The following DSE variants were observed in gnomAD, a reference collection of about 807,000 sequenced individuals.
The protein encoded by DSE is dermatan sulfate epimerase, also known as dermatan-sulfate epimerase.
DSE carries 36 observed loss-of-function variants against 84.4 expected under a neutral mutation model. The observed-to-expected ratio is 0.43, with a 90% CI of 0.33 to 0.56. The LOEUF (loss-of-function observed/expected upper bound fraction) is 0.56, where lower values mean the gene tolerates loss of function less well. Among genes scored for constraint, DSE ranks in the 20% least tolerant of loss-of-function variants. The pLI is 0.06. For missense variants in DSE, 862 were observed against 1,169.6 expected, an observed-to-expected ratio of 0.74 and a Z score of 3.84; for synonymous variants, 410 against 430.1, an observed-to-expected ratio of 0.95 and a Z score of 0.58.
chr6:116,398,926 A>T (rs945927974), intron 1 of DSE, among the ~76,000 whole-genome samples: 1 of 152,252 alleles, frequency 6.6e-6, no homozygotes, highest in Non-Finnish European at 1.5e-5. Flanking sequence ...TACCAAGAAT[A>T]ATTTTTTCCT....
intron 1 of DSE, among the ~76,000 whole-genome samples, chr6:116,257,527 A>G (rs1219142537): frequency 6.6e-6 from 1 of 152,162 alleles, no homozygotes; most frequent in East Asian, 1.9e-4. Context: ...ACAAAATACC[A>G]TAGAGTGGGT....
At chr6:116,298,142 A>G (rs1774781313) in intron 2 of DSE, among the ~76,000 whole-genome samples, 1 of 152,196 alleles carries the variant, frequency 6.6e-6, no homozygotes, top group Non-Finnish European at 1.5e-5. Flanking sequence ...TGTAGAGTTA[A>G]TGCCAGTACC....
At chr6:116,426,063 T>A (rs1783430634) in intron 2 of DSE, among the ~76,000 whole-genome samples, 1 of 152,238 alleles carries the variant, frequency 6.6e-6, no homozygotes. Context: ...CAAGTGGGTC[T>A]GTGCAGATTG....
In DSE at chr6:116,436,976, T is replaced by G. The variant is rs147927564; in HGVS notation, c.2508T>G (p.Ile836Met). ...FAQIEVNEKK[I>M]RQKAQILAQK... ...AGATTGAAGTCAATGAGAAAAAGAT[T>G]AGACAGAAAGCTCAGATTTTGGCAC... Residue 836 changes from isoleucine (I) to methionine (M), a missense_variant, in exon 6 of 6, where the codon ATT becomes ATG. Physicochemically the swap from Ile to Met is conservative, Grantham distance 10. This residue lies in a region of DSE where 315 missense variants were observed against 348.1 expected (regional missense o/e 0.90). Coordinates refer to ENST00000644252, the MANE Select transcript of DSE (RefSeq NM_013352.4). 7.4e-6 allele frequency: 12 copies of G among 1,613,850 alleles called. No individual in the cohort carries two copies. In the African/African-American group the frequency reaches 1.1e-4, roughly 14 times the overall value.
At chr6:116,289,449 G>A (rs1481992267) in intron 2 of DSE, among the ~76,000 whole-genome samples, 2 of 151,856 alleles carry the variant, frequency 1.3e-5, no homozygotes, top group Non-Finnish European at 2.9e-5. Flanking sequence ...AAATATTTCT[G>A]TGTATTTTTT....
chr6:116,380,501 A>G (rs371887027), intron 1 of DSE, among the ~76,000 whole-genome samples: 10 of 152,124 alleles, frequency 6.6e-5, no homozygotes, highest in Non-Finnish European at 5.9e-5. Context: ...AGGAGAAAGC[A>G]CTACAAGCAG....
chr6:116,396,745 T>C (rs987844945), intron 1 of DSE, among the ~76,000 whole-genome samples: 16 of 152,108 alleles, frequency 1.1e-4, no homozygotes, highest in Non-Finnish European at 2.1e-4. Flanking sequence ...AGGGGTCACA[T>C]TGTGAGTTTT....
At chr6:116,279,716 G>C in intron 2 of DSE, 1 of 1,611,372 alleles carries the variant, frequency 6.2e-7, no homozygotes, top group East Asian at 2.2e-5. Flanking sequence ...GCCTCGCTTT[G>C]GTCGCGGAGC....
chr6:116,393,465 A>T (rs758767226), intron 1 of DSE, among the ~76,000 whole-genome samples: 1 of 152,246 alleles, frequency 6.6e-6, no homozygotes, highest in Non-Finnish European at 1.5e-5. Flanking sequence ...AAAATATTTT[A>T]TCAATAGGTT....
chr6:116,391,889 T>G (rs1277942406), intron 1 of DSE, among the ~76,000 whole-genome samples: 3 of 152,174 alleles, frequency 2.0e-5, no homozygotes, highest in Admixed American at 6.5e-5. Flanking sequence ...AGCCATAGGT[T>G]TTCTTAGGAT....
rs773212826 is a variant in DSE, at chr6:116,436,209, G to A, written c.1741G>A (p.Glu581Lys). 1.2e-6 allele frequency: 2 copies of A among 1,613,896 alleles called. No homozygotes were observed. The highest frequency in any genetic ancestry group is 1.7e-5 in the Admixed American group (1 of 59,986). ...QIHLGEESPL[E>K]TAASFFHNVD... ...ACACCTGGGAGAGGAGAGTCCCTTG[G>A]AGACAGCAGCGAGCTTCTTCCATAA... is the stretch of plus-strand genomic sequence containing the variant. Residue 581 changes from glutamate to lysine, a missense_variant, in exon 6 of 6, where the codon GAG becomes AAG. Glu to Lys is a moderately conservative substitution (Grantham distance 56, BLOSUM62 1). Coordinates refer to ENST00000644252, the MANE Select transcript of DSE (RefSeq NM_013352.4).
chr6:116,356,590 G>A (rs1022275150), intron 2 of DSE, among the ~76,000 whole-genome samples: 3 of 152,124 alleles, frequency 2.0e-5, no homozygotes, highest in African/African-American at 7.2e-5. Flanking sequence ...CAGGAACTTT[G>A]AGTCATAAAA....
At chr6:116,296,654 T>G (rs990737670) in intron 2 of DSE, among the ~76,000 whole-genome samples, 1 of 152,152 alleles carries the variant, frequency 6.6e-6, no homozygotes, top group Non-Finnish European at 1.5e-5. Flanking sequence ...GCAAAGACCC[T>G]GAGACAGGTT....
intron 5 of DSE, among the ~76,000 whole-genome samples, chr6:116,435,172 A>G (rs1784069090): frequency 6.6e-6 from 1 of 152,230 alleles, no homozygotes; most frequent in Non-Finnish European, 1.5e-5. Flanking sequence ...CTGCAGAACT[A>G]TACTTTATTA....
rs563091251 is a variant in DSE at position 116,348,886 on chromosome 6, A to C, written c.-53-50312A>C. 1.5e-3 allele frequency among the ~76,000 whole-genome samples: 229 copies of C among 152,172 alleles called. 1 individual carries two copies. The highest frequency in any genetic ancestry group is 2.1e-3 in the Non-Finnish European group (145 of 67,996). ...AAACTATCTCAAGGACAGAAAACCA[A>C]ACACCACATGTTCTCACTCATAGGT... On this transcript the variant is annotated intron_variant, in intron 2 of 3. Transcript: ENST00000430252.
In DSE at chr6:116,435,815, G is replaced by T. The variant is rs559112743; in HGVS notation, c.1347G>T (p.Gly449=). The change falls in exon 6 of 6, where the codon GGG becomes GGT. Residue 449 remains glycine, a synonymous_variant. Transcript: ENST00000644252. ...AAGGATGGAGAAATTTTAATGCAGGGCATGAACATCCTGATCAAAACTCAT... is the reference window on the plus strand; with the variant it reads ...AAGGATGGAGAAATTTTAATGCAGGTCATGAACATCCTGATCAAAACTCAT... ...WIKGWRNFNA[G]HEHPDQNSFT... is the part of the protein sequence containing the mutation. 1 of 1,614,094 alleles carries T rather than the reference G, an allele frequency of 6.2e-7. No homozygotes were observed. The highest frequency in any genetic ancestry group is 8.5e-7 in the Non-Finnish European group (1 of 1,180,008).
chr6:116,299,683 C>T (rs1302859387), intron 2 of DSE, among the ~76,000 whole-genome samples: 1 of 151,486 alleles, frequency 6.6e-6, no homozygotes, highest in Non-Finnish European at 1.5e-5. Flanking sequence ...CTGCACTCAA[C>T]TTGTACCACA....
At chr6:116,427,545 G>A (rs1783523297) in intron 3 of DSE, among the ~76,000 whole-genome samples, 1 of 152,186 alleles carries the variant, frequency 6.6e-6, no homozygotes, top group Non-Finnish European at 1.5e-5. Flanking sequence ...TAAGCATTTT[G>A]TTGATTATCC....
At chr6:116,419,200 C>A (rs959389553) in intron 2 of DSE, among the ~76,000 whole-genome samples, 1 of 152,220 alleles carries the variant, frequency 6.6e-6, no homozygotes, top group African/African-American at 2.4e-5. Flanking sequence ...TCTGCCAAGA[C>A]CCAATGTGCT....
Sources: allele counts gnomAD v4.1 joint callset (sites outside exome capture counted in the v4.1 genomes callset), GRCh38; gene constraint gnomAD v4.1.1; regional missense constraint gnomAD v4.1.1; transcripts MANE v1.5; gene names NCBI Gene and HGNC (gene_info 2026-07-23, HGNC 2026-07-21).